Variants in CHST9 observed in about 807,000 individuals in gnomAD.
CHST9 encodes GalNAc-4-sulfotransferase 2.
CHST9 carries 41 observed loss-of-function variants against 44.4 expected under a neutral mutation model. The ratio of observed to expected loss-of-function variants is 0.92; its 90% CI spans 0.72 to 1.20. CHST9 has a LOEUF of 1.20. Ranked by LOEUF, CHST9 falls within the 50% of genes most tolerant of loss-of-function variation. CHST9 has a pLI of 0.00. For missense variants in CHST9, 504 were observed against 516.5 expected, an observed-to-expected ratio of 0.98 and a Z score of 0.23; for synonymous variants, 171 against 178.4, an observed-to-expected ratio of 0.96 and a Z score of 0.33.
chr18:27,124,157 G>T (rs2058399897), intron 2 of CHST9, among the ~76,000 whole-genome samples: 1 of 152,174 alleles, frequency 6.6e-6, no homozygotes, highest in South Asian at 2.1e-4. Context: ...AAATCCAGAT[G>T]CTAAAAATAC....
At chr18:27,004,582 T>C (rs375866532) in intron 4 of CHST9, among the ~76,000 whole-genome samples, 2 of 152,290 alleles carry the variant, frequency 1.3e-5, no homozygotes, top group South Asian at 2.1e-4. Context: ...CTAATTGTTT[T>C]ATTTCAGAAA....
In CHST9 at chr18:26,983,514, G is replaced by T. The variant is rs542050873; in HGVS notation, c.203-39148C>A. 2.6e-5 allele frequency among the ~76,000 whole-genome samples: 4 copies of T among 152,108 alleles called. No individual in the cohort carries two copies. In the South Asian group the frequency reaches 6.2e-4, roughly 24 times the overall value. ...TCTTTGCCTTTTGCCATGAAAAACAGCTCACTGAGGCCTCCCCAGAAGCCG... is the reference window on the plus strand; with the variant it reads ...TCTTTGCCTTTTGCCATGAAAAACATCTCACTGAGGCCTCCCCAGAAGCCG... On this transcript the variant is annotated intron_variant, in intron 4 of 5. Coordinates refer to ENST00000618847, the MANE Select transcript of CHST9 (RefSeq NM_031422.6).
chr18:27,005,926 C>T (rs1020972783), intron 4 of CHST9, among the ~76,000 whole-genome samples: 3 of 152,134 alleles, frequency 2.0e-5, no homozygotes, highest in Non-Finnish European at 2.9e-5. Context: ...TACTACTGGG[C>T]TAGTAACTGA....
intron 4 of CHST9, among the ~76,000 whole-genome samples, chr18:26,987,274 C>G (rs753573186): frequency 6.6e-6 from 1 of 152,180 alleles, no homozygotes; most frequent in Admixed American, 6.5e-5. Flanking sequence ...TCTCTTTGCA[C>G]GTGTCTGCTT....
chr18:27,179,100 CTCTCTATA>C (rs1567951431), intron 1 of CHST9, among the ~76,000 whole-genome samples: 18 of 118,892 alleles, frequency 1.5e-4, no homozygotes, highest in East Asian at 1.1e-3. Context: ...CTCTCTCTCT[CTCTCTATA>C]TATATATATA....
At chr18:27,002,613 TGTAA>T (rs1479946612) in intron 4 of CHST9, among the ~76,000 whole-genome samples, 1 of 152,190 alleles carries the variant, frequency 6.6e-6, no homozygotes, top group African/African-American at 2.4e-5. Flanking sequence ...TGTAGGCTAA[TGTAA>T]GTGTTTTGTA....
chr18:27,077,099 A>G (rs1190393357), intron 2 of CHST9, among the ~76,000 whole-genome samples: 1 of 152,226 alleles, frequency 6.6e-6, no homozygotes, highest in Non-Finnish European at 1.5e-5. Context: ...TTAACCCACC[A>G]AGATAGAGTT....
In CHST9 at chr18:27,003,350, A is replaced by G. The variant is rs1204651060; in HGVS notation, c.202+20766T>C. Among the ~76,000 whole-genome samples the G allele has an allele frequency of 2.0e-5, 3 of 152,192 alleles. No individual in the cohort carries two copies. The South Asian group carries it at 6.2e-4, about 32-fold the overall frequency. Reference sequence around the variant, plus strand: ...GACCACCATTTCATTATTCAAGAAGACCTAGATCTACCACTCATGGGAGGT... The same window carrying G: ...GACCACCATTTCATTATTCAAGAAGGCCTAGATCTACCACTCATGGGAGGT... On this transcript the variant is annotated intron_variant, in intron 4 of 5. Transcript: ENST00000618847.
At chr18:27,104,440 A>G (rs1471945213) in intron 2 of CHST9, among the ~76,000 whole-genome samples, 4 of 152,164 alleles carry the variant, frequency 2.6e-5, no homozygotes, top group Non-Finnish European at 5.9e-5. Context: ...ACTGGTGATA[A>G]ATCACCCTTA....
At chr18:26,955,350 C>T (rs1489643948) in intron 4 of CHST9, among the ~76,000 whole-genome samples, 1 of 151,794 alleles carries the variant, frequency 6.6e-6, no homozygotes, top group African/African-American at 2.4e-5. Flanking sequence ...CTTACAAGAT[C>T]ATGATTTGCA....
At chr18:27,018,420 T>A (rs773729784) in intron 4 of CHST9, among the ~76,000 whole-genome samples, 6 of 151,998 alleles carry the variant, frequency 3.9e-5, no homozygotes, top group Non-Finnish European at 8.8e-5. Context: ...CATACAAGAA[T>A]AATCATATAC....
intron 1 of CHST9, among the ~76,000 whole-genome samples, chr18:27,164,641 AAAAT>A (rs1598772431): frequency 6.6e-6 from 1 of 152,206 alleles, no homozygotes; most frequent in East Asian, 1.9e-4. Flanking sequence ...AATGGATAAA[AAAAT>A]AAATACACTA....
rs572749767 is a variant in CHST9, at chr18:27,123,875, T to C, written c.121+18814A>G. 1.6e-4 allele frequency among the ~76,000 whole-genome samples: 24 copies of C among 152,352 alleles called. No homozygotes were observed. The South Asian group carries it at 3.5e-3, about 22-fold the overall frequency. On this transcript the variant is annotated intron_variant, in intron 2 of 5. Coordinates refer to ENST00000618847, the MANE Select transcript of CHST9 (RefSeq NM_031422.6). The stretch of plus-strand genomic sequence containing the variant: ...GAGAAAATACTATCCTGTCACATTT[T>C]CACAGACCCACCTCTCTCAGGAATT...
At position 26,964,497 on chromosome 18, in the gene CHST9, C is replaced by A. The variant is rs1203843604; in HGVS notation, c.203-20131G>T. On this transcript the variant is annotated intron_variant, in intron 4 of 5. Transcript: ENST00000618847. ...AATAAGTGAGAAAATCAGATCTAGGCCCAGCTTACAGTTATGGAAGTTCTA... is the reference window on the plus strand; with the variant it reads ...AATAAGTGAGAAAATCAGATCTAGGACCAGCTTACAGTTATGGAAGTTCTA... Among the ~76,000 whole-genome samples the A allele has an allele frequency of 2.0e-5, 3 of 152,184 alleles. No individual in the cohort carries two copies. The East Asian group carries it at 5.8e-4, about 29-fold the overall frequency.
At chr18:27,090,478 C>T (rs533321472) in intron 2 of CHST9, among the ~76,000 whole-genome samples, 13 of 152,234 alleles carry the variant, frequency 8.5e-5, no homozygotes, top group African/African-American at 2.9e-4. Flanking sequence ...ATTTTGGCTT[C>T]TATTGCCATT....
At chr18:27,038,638 C>G (rs2057414361) in intron 3 of CHST9, among the ~76,000 whole-genome samples, 1 of 152,164 alleles carries the variant, frequency 6.6e-6, no homozygotes, top group African/African-American at 2.4e-5. Flanking sequence ...GTGACTAGCA[C>G]AACTCAGAAA....
intron 4 of CHST9, among the ~76,000 whole-genome samples, chr18:26,975,375 CA>C (rs2056604408): frequency 6.6e-6 from 1 of 151,838 alleles, no homozygotes; most frequent in Non-Finnish European, 1.5e-5. Flanking sequence ...ATACATCACC[CA>C]AATAATGTAC....
At chr18:27,095,078 A>G (rs1376943409) in intron 2 of CHST9, among the ~76,000 whole-genome samples, 1 of 152,192 alleles carries the variant, frequency 6.6e-6, no homozygotes, top group East Asian at 1.9e-4. Context: ...GAGGTAGTGT[A>G]TTACATAAAA....
intron 3 of CHST9, among the ~76,000 whole-genome samples, chr18:27,042,754 A>T (rs1279464694): frequency 6.6e-6 from 1 of 151,808 alleles, no homozygotes; most frequent in Non-Finnish European, 1.5e-5. Context: ...TGGCCTAAGG[A>T]TTAAGCTCTT....
Sources: allele counts gnomAD v4.1 joint callset (sites outside exome capture counted in the v4.1 genomes callset), GRCh38; gene constraint gnomAD v4.1.1; transcripts MANE v1.5; gene names NCBI Gene and HGNC (gene_info 2026-07-23, HGNC 2026-07-21).